Variants in KCNT2 observed in about 807,000 individuals in gnomAD.
The protein encoded by KCNT2 is potassium sodium-activated channel subfamily T member 2.
Under a neutral mutation model 153.8 loss-of-function variants are expected in KCNT2, and 67 were observed. The observed-to-expected ratio is 0.44, with a 90% CI of 0.36 to 0.53. The LOEUF (loss-of-function observed/expected upper bound fraction) is 0.53. Among genes scored for constraint, KCNT2 ranks in the 20% least tolerant of loss-of-function variants. The pLI, the probability that KCNT2 is intolerant of heterozygous loss-of-function variation, is 0.00. For missense variants in KCNT2, 975 were observed against 1,354.8 expected (o/e 0.72, Z 4.40); for synonymous variants, 500 against 458.8 (o/e 1.09, Z -1.15).
intron 13 of KCNT2, among the ~76,000 whole-genome samples, chr1:196,387,000 CTT>C (rs931115903): frequency 1.3e-5 from 2 of 151,978 alleles, no homozygotes; most frequent in African/African-American, 2.4e-5. Context: ...ATAAACATAA[CTT>C]ATAGTTATAA....
intron 1 of KCNT2, among the ~76,000 whole-genome samples, chr1:196,537,718 C>T (rs914307722): frequency 1.8e-4 from 28 of 152,160 alleles, no homozygotes; most frequent in Non-Finnish European, 2.8e-4. Flanking sequence ...ATTGCTGCTC[C>T]GGAGACAACT....
intron 12 of KCNT2, among the ~76,000 whole-genome samples, chr1:196,401,716 T>C (rs1671429851): frequency 6.6e-6 from 1 of 151,648 alleles, no homozygotes; most frequent in South Asian, 2.1e-4. Context: ...AGGTCTTACA[T>C]AATATAATTG....
chr1:196,278,204 A>C (rs1017927360), intron 25 of KCNT2, among the ~76,000 whole-genome samples: 3 of 152,212 alleles, frequency 2.0e-5, no homozygotes, highest in Non-Finnish European at 4.4e-5. Flanking sequence ...TTAAAAATAG[A>C]AGTCAGGCTC....
intron 1 of KCNT2, among the ~76,000 whole-genome samples, chr1:196,495,561 C>T (rs573804942): frequency 2.0e-5 from 3 of 151,992 alleles, no homozygotes; most frequent in Admixed American, 1.3e-4. Flanking sequence ...ACCTCCCTAC[C>T]TCCATCTAAC....
At chr1:196,455,328 AC>A (rs1246459875) in intron 8 of KCNT2, among the ~76,000 whole-genome samples, 2 of 152,016 alleles carry the variant, frequency 1.3e-5, no homozygotes, top group African/African-American at 4.8e-5. Context: ...CAAGCTGCCT[AC>A]CTTTTGTAAA....
At chr1:196,247,096 A>C (rs1395752447) in intron 26 of KCNT2, among the ~76,000 whole-genome samples, 4 of 152,204 alleles carry the variant, frequency 2.6e-5, no homozygotes, top group Non-Finnish European at 5.9e-5. Context: ...GGAAAAAGAC[A>C]TTCCATGCCA....
rs1677503019 is a variant in KCNT2, at chr1:196,465,227, TATGG to T, written c.638+62_638+65del. On this transcript the variant is annotated intron_variant, in intron 8 of 27. Transcript: ENST00000294725. ...AACTATTAATGAAAGTTATTTATAA[TATGG>T]TTTCCTTTAGAAATTATAATTAAAT... The T allele has an allele frequency of 1.9e-5, 16 of 838,878 alleles. No individual in the cohort carries two copies. In the South Asian group the frequency reaches 2.7e-4, roughly 14 times the overall value. The allele number at this position is 838,878 out of a possible 1,614,324, so 52.0% of individuals were successfully genotyped here.
intron 1 of KCNT2, among the ~76,000 whole-genome samples, chr1:196,498,175 T>G (rs1032352558): frequency 2.0e-5 from 3 of 152,196 alleles, no homozygotes; most frequent in Non-Finnish European, 4.4e-5. Context: ...GATTCACTCT[T>G]AAAATTCTTA....
chr1:196,527,337 C>T (rs540370796), intron 1 of KCNT2, among the ~76,000 whole-genome samples: 1 of 151,986 alleles, frequency 6.6e-6, no homozygotes, highest in Admixed American at 6.6e-5. Context: ...TCTGTTTGTC[C>T]AATATAAGGT....
intron 1 of KCNT2, among the ~76,000 whole-genome samples, chr1:196,523,179 C>A (rs1653707802): frequency 6.6e-6 from 1 of 152,184 alleles, no homozygotes; most frequent in Non-Finnish European, 1.5e-5. Context: ...AGAGCTATAA[C>A]ACACACTGCA....
chr1:196,306,014 G>A (rs1023991407), intron 21 of KCNT2, among the ~76,000 whole-genome samples: 2 of 151,798 alleles, frequency 1.3e-5, no homozygotes, highest in Non-Finnish European at 2.9e-5. Context: ...ATACGTACAC[G>A]CTCACACAAG....
chr1:196,448,111 G>C (rs927274816), intron 8 of KCNT2, among the ~76,000 whole-genome samples: 1 of 151,560 alleles, frequency 6.6e-6, no homozygotes, highest in Non-Finnish European at 1.5e-5. Flanking sequence ...CTACTGATAA[G>C]GCTTCAATGC....
intron 25 of KCNT2, among the ~76,000 whole-genome samples, chr1:196,260,658 C>T (rs1030194885): frequency 6.6e-6 from 1 of 151,750 alleles, no homozygotes; most frequent in Admixed American, 6.6e-5. Flanking sequence ...CAAAACACAT[C>T]AATTGCTCTT....
chr1:196,551,059 AG>A (rs1259936317), intron 1 of KCNT2, among the ~76,000 whole-genome samples: 3 of 151,856 alleles, frequency 2.0e-5, no homozygotes, highest in Admixed American at 1.3e-4. Context: ...AAGTCAATGA[AG>A]GAAGGGAATA....
chr1:196,372,397 C>A (rs571632148), intron 14 of KCNT2, among the ~76,000 whole-genome samples: 1 of 151,646 alleles, frequency 6.6e-6, no homozygotes, highest in Non-Finnish European at 1.5e-5. Context: ...GAATTTACTT[C>A]GAAAATCAAC....
At chr1:196,436,184 G>A (rs1674639261) in intron 8 of KCNT2, among the ~76,000 whole-genome samples, 1 of 151,404 alleles carries the variant, frequency 6.6e-6, no homozygotes, top group Non-Finnish European at 1.5e-5. Flanking sequence ...ACAACATGTG[G>A]AAAACATTGT....
chr1:196,571,275 TG>T (rs1213802353), intron 1 of KCNT2, among the ~76,000 whole-genome samples: 4 of 152,132 alleles, frequency 2.6e-5, no homozygotes, highest in Non-Finnish European at 5.9e-5. Context: ...TTACAGTATC[TG>T]TTGGAAGAAT....
chr1:196,248,121 C>T (rs1655617318), intron 26 of KCNT2, among the ~76,000 whole-genome samples: 1 of 151,708 alleles, frequency 6.6e-6, no homozygotes, highest in South Asian at 2.1e-4. Flanking sequence ...ACACAACATA[C>T]CAAAAATCTA....
chr1:196,446,249 T>C (rs147651662), intron 8 of KCNT2, among the ~76,000 whole-genome samples: 31 of 151,582 alleles, frequency 2.0e-4, no homozygotes, highest in African/African-American at 7.0e-4. Context: ...ATCCAACATG[T>C]ACAATAAATA....
Sources: allele counts gnomAD v4.1 joint callset (sites outside exome capture counted in the v4.1 genomes callset), GRCh38; gene constraint gnomAD v4.1.1; transcripts MANE v1.5; gene names NCBI Gene and HGNC (gene_info 2026-07-23, HGNC 2026-07-21).